The following ALDH18A1 variants were observed in gnomAD, a reference collection of about 807,000 sequenced individuals.
ALDH18A1 encodes the protein delta-1-pyrroline-5-carboxylate synthase.
A neutral mutation model predicts 88.8 loss-of-function variants in ALDH18A1; 44 were observed. That is an observed-to-expected ratio of 0.50 (90% CI 0.39 to 0.64). ALDH18A1 has a LOEUF of 0.64. ALDH18A1 is among the 30% of genes least tolerant of loss of function. The pLI is 0.00. For missense variants in ALDH18A1, 782 were observed against 1,009.5 expected, an observed-to-expected ratio of 0.77 and a Z score of 3.05; for synonymous variants, 331 against 372.1, an observed-to-expected ratio of 0.89 and a Z score of 1.27.
At chr10:95,621,504 G>A (rs2097852594) in intron 11 of ALDH18A1, among the ~76,000 whole-genome samples, 1 of 151,870 alleles carries the variant, frequency 6.6e-6, no homozygotes, top group South Asian at 2.1e-4. Flanking sequence ...AGAGATGGGG[G>A]TTTCACCAGG....
intron 11 of ALDH18A1, among the ~76,000 whole-genome samples, chr10:95,622,388 TA>T (rs1213293048): frequency 1.3e-5 from 2 of 151,974 alleles, no homozygotes; most frequent in Non-Finnish European, 2.9e-5. Context: ...TTTGTAGAGA[TA>T]GGGGGTCTCA....
chr10:95,634,132 G>GA (rs1289644741), intron 5 of ALDH18A1, among the ~76,000 whole-genome samples: 1 of 152,114 alleles, frequency 6.6e-6, no homozygotes, highest in African/African-American at 2.4e-5. Context: ...ATTTATTTAA[G>GA]AATGTTCAAG....
intron 15 of ALDH18A1, among the ~76,000 whole-genome samples, chr10:95,612,548 T>C (rs1265385405): frequency 1.3e-5 from 2 of 152,234 alleles, no homozygotes; most frequent in African/African-American, 2.4e-5. Flanking sequence ...TCTGTGTTCC[T>C]TGGGGACTGG....
Position 95,633,484 on chromosome 10 carries a change from T to C in ALDH18A1, c.717+7A>G, listed in dbSNP as rs2097874511. On this transcript the variant is annotated splice_region_variant and intron_variant, in intron 6 of 17. Coordinates refer to ENST00000371224, the MANE Select transcript of ALDH18A1 (RefSeq NM_002860.4). ...GCATGCTAAACCCTTAGAAATACTT[T>C]ACCCACATTTACCCCCTGCAGGTCA... 2 of 1,614,124 alleles carry C rather than the reference T, an allele frequency of 1.2e-6. No individual in the cohort carries two copies. The highest frequency in any genetic ancestry group is 1.7e-6 in the Non-Finnish European group (2 of 1,179,996).
chr10:95,652,723 A>G (rs1160093563), intron 2 of ALDH18A1, among the ~76,000 whole-genome samples: 3 of 151,824 alleles, frequency 2.0e-5, no homozygotes, highest in Non-Finnish European at 4.4e-5. Flanking sequence ...AGACAGAGTG[A>G]GACTCAAGAA....
rs771557802 is a variant in ALDH18A1, at chr10:95,637,314, G to A, written c.426C>T (p.His142=). 5 of 1,614,258 alleles carry A rather than the reference G, an allele frequency of 3.1e-6. No homozygotes were observed. The South Asian group carries it at 4.4e-5, about 14-fold the overall frequency. The part of the protein sequence containing the change: ...LLSQSVRQAL[H]SGQNQLKEMA... Reference sequence around the variant, plus strand: ...TTTCTTTCAGCTGGTTCTGCCCCGAGTGGAGGGCCTGCCGCACGCTCTGAG... The same window carrying A: ...TTTCTTTCAGCTGGTTCTGCCCCGAATGGAGGGCCTGCCGCACGCTCTGAG... The change falls in exon 4 of 18, where the codon CAC becomes CAT. Residue 142 remains histidine, a synonymous_variant. Coordinates refer to ENST00000371224, the MANE Select transcript of ALDH18A1 (RefSeq NM_002860.4).
intron 15 of ALDH18A1, among the ~76,000 whole-genome samples, chr10:95,612,964 C>T (rs529903322): frequency 6.6e-6 from 1 of 152,290 alleles, no homozygotes; most frequent in Admixed American, 6.5e-5. Context: ...CCTTCCTTTC[C>T]AGTCAAAGGA....
rs1363547996 is a variant in ALDH18A1 at position 95,611,289 on chromosome 10, T to C, written c.2077A>G (p.Ser693Gly). The C allele has an allele frequency of 1.4e-5, 22 of 1,614,038 alleles. No individual in the cohort carries two copies. Among genetic ancestry groups the C allele is most frequent in the Non-Finnish European group, 1.7e-5 (20 of 1,180,022 alleles). Residue 693 changes from serine (S) to glycine (G), a missense_variant, in exon 16 of 18, where the codon AGC becomes GGC. Transcript: ENST00000371224. ...DAIDHIHKYG[S>G]SHTDVIVTED... ...GTGACGATGACATCCGTGTGGGAGC[T>C]GCCATACTTGTGGATGTGGTCAATG...
At chr10:95,638,836 TAACA>T (rs1212963318) in intron 3 of ALDH18A1, among the ~76,000 whole-genome samples, 1 of 152,220 alleles carries the variant, frequency 6.6e-6, no homozygotes, top group Non-Finnish European at 1.5e-5. Context: ...TCCAGCTGTT[TAACA>T]AACAGCTATG....
In ALDH18A1 at chr10:95,637,335, C is replaced by CT; in HGVS notation, c.404dup (p.Ser136GlufsTer39). 1.2e-6 allele frequency: 2 copies of CT among 1,614,264 alleles called. No individual in the cohort carries two copies. Among genetic ancestry groups the CT allele is most frequent in the Non-Finnish European group, 1.7e-6 (2 of 1,180,052 alleles). On this transcript the variant is annotated frameshift_variant, in exon 4 of 18. Coordinates refer to ENST00000371224, the MANE Select transcript of ALDH18A1 (RefSeq NM_002860.4). LOFTEE classifies it high-confidence loss of function. ...CCGAGTGGAGGGCCTGCCGCACGCT[C>CT]TGAGACAGAAGGATCTCATGGCGCA... is the stretch of plus-strand genomic sequence containing the variant.
At chr10:95,627,074 T>C (rs1362091213) in intron 9 of ALDH18A1, among the ~76,000 whole-genome samples, 1 of 152,134 alleles carries the variant, frequency 6.6e-6, no homozygotes, top group East Asian at 1.9e-4. Flanking sequence ...TTTAATGTGT[T>C]TACACTTCTG....
At chr10:95,631,030 G>A (rs527526432) in intron 7 of ALDH18A1, among the ~76,000 whole-genome samples, 1 of 152,284 alleles carries the variant, frequency 6.6e-6, no homozygotes, top group South Asian at 2.1e-4. Context: ...CTGCCTTGAT[G>A]TGGGCTGGGA....
intron 17 of ALDH18A1, among the ~76,000 whole-genome samples, chr10:95,607,428 T>C (rs909222331): frequency 6.6e-6 from 1 of 152,212 alleles, no homozygotes; most frequent in African/African-American, 2.4e-5. Flanking sequence ...AAAGGGTTAC[T>C]GTTCATTCCC....
intron 3 of ALDH18A1, among the ~76,000 whole-genome samples, chr10:95,641,110 C>CAG (rs10625012): frequency 0.67 from 88,270 of 132,034 alleles, 26,354 homozygotes; most frequent in Non-Finnish European, 0.71. Flanking sequence ...GCAGGGGCAC[C>CAG]TCACACTGTG....
intron 12 of ALDH18A1, among the ~76,000 whole-genome samples, chr10:95,618,002 GATGT>G (rs1364467362): frequency 1.3e-5 from 2 of 152,162 alleles, no homozygotes; most frequent in African/African-American, 4.8e-5. Flanking sequence ...GGTTTTAGGG[GATGT>G]CAGAGAGTAC....
chr10:95,611,276 T>G lies in ALDH18A1; in HGVS notation c.2090A>C (p.Asp697Ala). The G allele has an allele frequency of 6.2e-7, 1 of 1,614,100 alleles. No individual in the cohort carries two copies. The highest frequency in any genetic ancestry group is 8.5e-7 in the Non-Finnish European group (1 of 1,180,008). ...HIHKYGSSHT[D>A]VIVTEDENTA... ...CTGACCGTCCTCTGTGACGATGACATCCGTGTGGGAGCTGCCATACTTGTG... is the reference window on the plus strand; with the variant it reads ...CTGACCGTCCTCTGTGACGATGACAGCCGTGTGGGAGCTGCCATACTTGTG... The change falls in exon 16 of 18, where the codon GAT becomes GCT. Residue 697 changes from aspartate to alanine, a missense_variant. By Grantham distance (126) the Asp-to-Ala change is moderately radical. Around this residue, in one of 3 missense-constraint regions of ALDH18A1, gnomAD observed 556 missense variants for 654.5 expected, o/e 0.85. Coordinates refer to ENST00000371224, the MANE Select transcript of ALDH18A1 (RefSeq NM_002860.4).
At chr10:95,656,132 C>T (rs2097917663) in intron 1 of ALDH18A1, among the ~76,000 whole-genome samples, 1 of 152,162 alleles carries the variant, frequency 6.6e-6, no homozygotes, top group South Asian at 2.1e-4. Flanking sequence ...GAACTAGGGA[C>T]CCAGGCCCCT....
chr10:95,619,713 G>C (rs1251587666), intron 12 of ALDH18A1, among the ~76,000 whole-genome samples: 1 of 152,188 alleles, frequency 6.6e-6, no homozygotes, highest in Non-Finnish European at 1.5e-5. Flanking sequence ...AATAAATGGT[G>C]CTGGGAAAAC....
chr10:95,640,118 T>A (rs527839349), intron 3 of ALDH18A1, among the ~76,000 whole-genome samples: 2 of 152,296 alleles, frequency 1.3e-5, no homozygotes, highest in African/African-American at 4.8e-5. Context: ...TAATCTGGAA[T>A]AATTCCAAAA....
Sources: allele counts gnomAD v4.1 joint callset (sites outside exome capture counted in the v4.1 genomes callset), GRCh38; gene constraint gnomAD v4.1.1; regional missense constraint gnomAD v4.1.1; transcripts MANE v1.5; gene names NCBI Gene and HGNC (gene_info 2026-07-23, HGNC 2026-07-21).